Variants in ARAP2 observed in about 807,000 individuals in gnomAD.
ARAP2 encodes ArfGAP with RhoGAP domain, ankyrin repeat and PH domain 2.
ARAP2 carries 148 observed loss-of-function variants against 194.5 expected under a neutral mutation model. The ratio of observed to expected loss-of-function variants is 0.76; its 90% CI spans 0.67 to 0.87. ARAP2 has a LOEUF of 0.87. Among genes scored for constraint, ARAP2 ranks in the 40% least tolerant of loss-of-function variants. The pLI is 0.00. For synonymous variants in ARAP2, 695 were observed against 683.5 expected (o/e 1.02, Z -0.26); for missense variants, 2,128 against 1,989.7 (o/e 1.07, Z -1.32).
chr4:36,131,976 A>G (rs573167958), intron 20 of ARAP2, among the ~76,000 whole-genome samples: 47 of 151,932 alleles, frequency 3.1e-4, no homozygotes, highest in African/African-American at 1.1e-3. Flanking sequence ...GTAGATATAT[A>G]ACAAAAACAT....
At chr4:36,012,207 T>A (rs1159500828) in intron 9 of ARAP2, among the ~76,000 whole-genome samples, 1 of 152,230 alleles carries the variant, frequency 6.6e-6, no homozygotes, top group Admixed American at 6.5e-5. Context: ...ACTCTCTACA[T>A]GTAAAATTTT....
At chr4:36,031,316 C>T (rs578255468) in intron 5 of ARAP2, among the ~76,000 whole-genome samples, 16 of 152,180 alleles carry the variant, frequency 1.1e-4, no homozygotes, top group African/African-American at 3.4e-4. Flanking sequence ...CAACCATTCC[C>T]CATGAAATAC....
At chr4:36,183,547 A>G (rs1739786108) in intron 8 of ARAP2, among the ~76,000 whole-genome samples, 1 of 152,150 alleles carries the variant, frequency 6.6e-6, no homozygotes, top group African/African-American at 2.4e-5. Context: ...AAACATCACG[A>G]GTGTTTTGAA....
chr4:36,200,935 T>C (rs1403776271), intron 6 of ARAP2, among the ~76,000 whole-genome samples: 1 of 152,210 alleles, frequency 6.6e-6, no homozygotes, highest in Non-Finnish European at 1.5e-5. Context: ...GAAAAGATAA[T>C]GTATACAAGA....
At chr4:36,039,943 G>A (rs1720561786) in intron 5 of ARAP2, among the ~76,000 whole-genome samples, 1 of 152,054 alleles carries the variant, frequency 6.6e-6, no homozygotes, top group Admixed American at 6.6e-5. Flanking sequence ...AGTGAATTGT[G>A]GAAAAGGAAA....
intron 1 of ARAP2, among the ~76,000 whole-genome samples, chr4:36,243,015 A>T (rs1024969818): frequency 6.6e-6 from 1 of 152,028 alleles, no homozygotes; most frequent in African/African-American, 2.4e-5. Flanking sequence ...TCTTCTTTAA[A>T]CGTTGTTGGA....
At chr4:36,204,866 G>C (rs921591125) in intron 6 of ARAP2, among the ~76,000 whole-genome samples, 1 of 151,618 alleles carries the variant, frequency 6.6e-6, no homozygotes, top group Non-Finnish European at 1.5e-5. Context: ...GCAGGCGCCT[G>C]TAATCCCGAC....
Position 36,177,823 on chromosome 4 carries a change from T to G in ARAP2, c.1857+4A>C. On this transcript the variant is annotated splice_donor_region_variant and intron_variant, in intron 9 of 32. Transcript: ENST00000303965. ...CAATTTGCAATGACTATAACAGAGC[T>G]CACCTGTTCGTTTTTGCAAAGCCAC... 6.3e-7 allele frequency: 1 copy of G among 1,595,936 alleles called. No individual in the cohort carries two copies. Among genetic ancestry groups the G allele is most frequent in the Non-Finnish European group, 8.5e-7 (1 of 1,172,876 alleles).
rs755836618 is a variant in ARAP2 at position 36,228,784 on chromosome 4, C to G, written c.703G>C (p.Gly235Arg). The change falls in exon 2 of 33, where the codon GGT (glycine) becomes CGT (arginine). Residue 235 changes from glycine to arginine, a missense_variant. Physicochemically the swap from Gly to Arg is moderately radical, Grantham distance 125. Transcript: ENST00000303965. ...SGTNSGNGTNGLLEGSPPSPF... is the reference protein window; with the variant it reads ...SGTNSGNGTNRLLEGSPPSPF... ...GATGGTGGTGATCCTTCTAATAAAC[C>G]ATTTGTTCCATTTCCAGAATTTGTT... is the stretch of plus-strand genomic sequence containing the variant. The G allele has an allele frequency of 5.6e-6, 9 of 1,613,922 alleles. No homozygotes were observed. Among genetic ancestry groups the G allele is most frequent in the South Asian group, 1.1e-5 (1 of 91,084 alleles).
intron 27 of ARAP2, 43 bp downstream of exon 27, chr4:36,107,522 T>C: frequency 6.4e-7 from 1 of 1,565,818 alleles, no homozygotes; most frequent in Non-Finnish European, 8.6e-7. Context: ...TTTAACCACT[T>C]GAATTTTCAA....
intron 31 of ARAP2, 61 bp downstream of exon 31, chr4:36,080,155 C>T: frequency 1.4e-6 from 2 of 1,405,812 alleles, no homozygotes; most frequent in Non-Finnish European, 2.0e-6. Context: ...CACCATCACA[C>T]TAACATTTCC....
chr4:36,010,713 A>C (rs1294324917), intron 9 of ARAP2, among the ~76,000 whole-genome samples: 1 of 152,098 alleles, frequency 6.6e-6, no homozygotes, highest in South Asian at 2.1e-4. Context: ...CCTTACATAG[A>C]TTAATGGCCT....
intron 8 of ARAP2, among the ~76,000 whole-genome samples, chr4:36,181,919 C>T (rs1739367098): frequency 6.6e-6 from 1 of 152,056 alleles, no homozygotes; most frequent in Non-Finnish European, 1.5e-5. Context: ...TAAGAAGCCT[C>T]AGAAGAAGGG....
intron 30 of ARAP2, among the ~76,000 whole-genome samples, chr4:36,080,968 A>G (rs1729399015): frequency 6.6e-6 from 1 of 152,154 alleles, no homozygotes; most frequent in Non-Finnish European, 1.5e-5. Context: ...TGTTCTTTAT[A>G]AGAGGAAAAT....
chr4:36,080,954 G>C (rs1283715699), intron 30 of ARAP2, among the ~76,000 whole-genome samples: 2 of 152,242 alleles, frequency 1.3e-5, no homozygotes, highest in Non-Finnish European at 2.9e-5. Context: ...GATGAGGAGA[G>C]GGTTGTTCTT....
intron 6 of ARAP2, 62 bp from the exon 7 acceptor site, chr4:36,193,709 C>A: frequency 8.2e-7 from 1 of 1,220,246 alleles, no homozygotes; most frequent in South Asian, 1.4e-5. Context: ...TTGTTAAATT[C>A]ATTTGTAATG....
intron 19 of ARAP2, among the ~76,000 whole-genome samples, chr4:36,136,250 A>G (rs1246962520): frequency 6.6e-6 from 1 of 151,758 alleles, no homozygotes; most frequent in Non-Finnish European, 1.5e-5. Context: ...CCAAAGAAAC[A>G]TTTACTTATA....
At chr4:36,078,862 T>A (rs941524526) in intron 31 of ARAP2, among the ~76,000 whole-genome samples, 1 of 152,014 alleles carries the variant, frequency 6.6e-6, no homozygotes, top group Non-Finnish European at 1.5e-5. Flanking sequence ...AAATCCAGTC[T>A]TTTGTTTTTC....
chr4:36,213,462 C>A, intron 3 of ARAP2, 143 bp from the exon 4 acceptor site: 1 of 595,062 alleles, frequency 1.7e-6, no homozygotes, highest in Non-Finnish European at 3.0e-6. Flanking sequence ...TATGCTAATT[C>A]TTATCCCCAA....
Sources: gnomAD v4.1 joint callset for allele counts (sites outside exome capture counted in the v4.1 genomes callset) on GRCh38, gnomAD v4.1.1 for gene constraint, MANE v1.5 for transcripts, NCBI Gene and HGNC (gene_info 2026-07-23, HGNC 2026-07-21) for gene names.